HS6ST3: variants seen among roughly 807,000 people sequenced by gnomAD.
HS6ST3 encodes heparan sulfate 6-O-sulfotransferase 3, also known as heparan-sulfate 6-O-sulfotransferase 3.
HS6ST3 carries 12 observed loss-of-function variants against 36.7 expected under a neutral mutation model. The observed-to-expected ratio is 0.33, with a 90% CI of 0.21 to 0.53. HS6ST3 has a LOEUF of 0.53. Among genes scored for constraint, HS6ST3 ranks in the 20% least tolerant of loss-of-function variants. The pLI is 0.95. For synonymous variants in HS6ST3, 240 were observed against 257.5 expected (o/e 0.93, Z 0.65); for missense variants, 584 against 640.9 (o/e 0.91, Z 0.96).
intron 1 of HS6ST3, among the ~76,000 whole-genome samples, chr13:96,822,515 C>A (rs1236264139): frequency 6.6e-6 from 1 of 152,186 alleles, no homozygotes; most frequent in African/African-American, 2.4e-5. Flanking sequence ...ACCCGAAAAT[C>A]ATGGCATTTT....
intron 1 of HS6ST3, among the ~76,000 whole-genome samples, chr13:96,673,839 T>C (rs1405790927): frequency 6.6e-6 from 1 of 152,182 alleles, no homozygotes; most frequent in Non-Finnish European, 1.5e-5. Context: ...TTTTCATTTC[T>C]TAGGCATGAT....
intron 1 of HS6ST3, among the ~76,000 whole-genome samples, chr13:96,553,812 A>G (rs1198558629): frequency 2.0e-5 from 3 of 152,198 alleles, no homozygotes; most frequent in Non-Finnish European, 1.5e-5. Flanking sequence ...ATGGGCATGT[A>G]AGGAAGAAAA....
chr13:96,129,789 A>C (rs1334099203), intron 1 of HS6ST3, among the ~76,000 whole-genome samples: 1 of 152,192 alleles, frequency 6.6e-6, no homozygotes, highest in Non-Finnish European at 1.5e-5. Flanking sequence ...GTGACCTTAC[A>C]AAAAGGGGAA....
chr13:96,697,641 G>A (rs1875164008), intron 1 of HS6ST3, among the ~76,000 whole-genome samples: 1 of 152,160 alleles, frequency 6.6e-6, no homozygotes, highest in African/African-American at 2.4e-5. Flanking sequence ...TAACAGAAGT[G>A]CAGCTCACCT....
intron 1 of HS6ST3, among the ~76,000 whole-genome samples, chr13:96,331,040 C>G (rs2055063496): frequency 6.6e-6 from 1 of 152,154 alleles, no homozygotes. Context: ...CCATCAGCTC[C>G]TTTAAGCACT....
chr13:96,630,297 G>C (rs992338549), intron 1 of HS6ST3, among the ~76,000 whole-genome samples: 4 of 151,928 alleles, frequency 2.6e-5, no homozygotes, highest in Non-Finnish European at 5.9e-5. Flanking sequence ...ATGACCTTGA[G>C]GACCATTTGA....
At chr13:96,598,419 T>C (rs1242339700) in intron 1 of HS6ST3, among the ~76,000 whole-genome samples, 1 of 152,138 alleles carries the variant, frequency 6.6e-6, no homozygotes, top group Non-Finnish European at 1.5e-5. Context: ...AGATATTTTA[T>C]TTTTTATTTT....
At chr13:96,580,198 A>G (rs2056336780) in intron 1 of HS6ST3, among the ~76,000 whole-genome samples, 1 of 1,500 alleles carries the variant, frequency 6.7e-4, no homozygotes, top group African/African-American at 2.6e-3. Context: ...CCAGACATAT[A>G]TATATATATA....
intron 1 of HS6ST3, among the ~76,000 whole-genome samples, chr13:96,381,828 G>T (rs1303831588): frequency 6.6e-6 from 1 of 152,114 alleles, no homozygotes; most frequent in Admixed American, 6.6e-5. Context: ...GAGTTACGGG[G>T]ATGGCCTGAC....
chr13:96,425,331 T>C (rs2055581294), intron 1 of HS6ST3, among the ~76,000 whole-genome samples: 1 of 149,298 alleles, frequency 6.7e-6, no homozygotes, highest in Non-Finnish European at 1.5e-5. Context: ...AGCTCTGCTC[T>C]TTTTTTTTGA....
Position 96,837,026 on chromosome 13 carries a change from T to C in HS6ST3, c.*3828T>C, listed in dbSNP as rs1369244428. 4 of 152,126 alleles carry C rather than the reference T, an allele frequency of 2.6e-5. No homozygotes were observed. The allele number at this position is 152,126 out of a possible 1,614,324, so 9.4% of individuals were successfully genotyped here. ...TTGCTTCCAGTCACATCTCATGGGT[T>C]AAAACCTAGACATTTGCCACATCTA... On this transcript the variant is annotated 3_prime_UTR_variant, in exon 2 of 2. Coordinates refer to ENST00000376705, the MANE Select transcript of HS6ST3 (RefSeq NM_153456.4).
intron 1 of HS6ST3, among the ~76,000 whole-genome samples, chr13:96,486,352 A>T (rs968681174): frequency 1.3e-5 from 2 of 152,078 alleles, no homozygotes; most frequent in Admixed American, 6.6e-5. Context: ...TTATAGCAGC[A>T]TGTTTTGTAA....
intron 1 of HS6ST3, among the ~76,000 whole-genome samples, chr13:96,661,772 C>T (rs1297904899): frequency 6.6e-6 from 1 of 152,040 alleles, no homozygotes; most frequent in Non-Finnish European, 1.5e-5. Flanking sequence ...TATGGCATTC[C>T]TTGTGGGTCC....
At chr13:96,392,539 T>C (rs7330499) in intron 1 of HS6ST3, among the ~76,000 whole-genome samples, 125,636 of 152,114 alleles carry the variant, frequency 0.83, 52,245 homozygotes, top group Non-Finnish European at 0.87. Flanking sequence ...TGATGACAGC[T>C]TGAAAAAGTG....
At position 96,322,542 on chromosome 13, in the gene HS6ST3, G is replaced by T. The variant is rs373416336; in HGVS notation, c.707+230973G>T. ...AGTGTACTCTAGCTCGGGTGACAGA[G>T]CCAGAACTTGTCTCAAAAAATAAAA... On this transcript the variant is annotated intron_variant, in intron 1 of 1. Transcript: ENST00000376705. Among the ~76,000 whole-genome samples the T allele has an allele frequency of 7.2e-5, 11 of 151,994 alleles. No individual in the cohort carries two copies. In the South Asian group the frequency reaches 2.1e-3, roughly 29 times the overall value.
chr13:96,312,536 T>G (rs561491483), intron 1 of HS6ST3, among the ~76,000 whole-genome samples: 4 of 152,316 alleles, frequency 2.6e-5, no homozygotes, highest in African/African-American at 9.6e-5. Flanking sequence ...AGTTGGTTAC[T>G]GAAAGAGCTC....
intron 1 of HS6ST3, among the ~76,000 whole-genome samples, chr13:96,235,159 A>C (rs2054528273): frequency 6.6e-6 from 1 of 152,226 alleles, no homozygotes; most frequent in African/African-American, 2.4e-5. Context: ...GTTAAGGAAG[A>C]GAAGTAGTTT....
intron 1 of HS6ST3, among the ~76,000 whole-genome samples, chr13:96,329,941 CTTCT>C (rs954717665): frequency 2.0e-5 from 3 of 149,912 alleles, no homozygotes; most frequent in Admixed American, 6.7e-5. Flanking sequence ...ATGTAATGGC[CTTCT>C]TTGTCTCTTT....
chr13:96,470,751 T>C (rs1321643671), intron 1 of HS6ST3, among the ~76,000 whole-genome samples: 1 of 152,218 alleles, frequency 6.6e-6, no homozygotes, highest in Non-Finnish European at 1.5e-5. Flanking sequence ...TTGCCCTTTT[T>C]TGCTCAGTTG....
Sources: allele counts gnomAD v4.1 joint callset (sites outside exome capture counted in the v4.1 genomes callset), GRCh38; gene constraint gnomAD v4.1.1; transcripts MANE v1.5; gene names NCBI Gene and HGNC (gene_info 2026-07-23, HGNC 2026-07-21).